PTPRK: variants seen among roughly 807,000 people sequenced by gnomAD.
PTPRK encodes the protein protein tyrosine phosphatase receptor type K, also known as receptor-type tyrosine-protein phosphatase kappa.
A neutral mutation model predicts 178.0 loss-of-function variants in PTPRK; 75 were observed. That is an observed-to-expected ratio of 0.42 (90% CI 0.35 to 0.51). The LOEUF (loss-of-function observed/expected upper bound fraction) is 0.51, where lower values mean the gene tolerates loss of function less well. Among genes scored for constraint, PTPRK ranks in the 20% least tolerant of loss-of-function variants. The pLI is 0.02. For synonymous variants in PTPRK, 637 were observed against 620.6 expected (o/e 1.03, Z -0.39); for missense variants, 1,441 against 1,797.8 (o/e 0.80, Z 3.59).
At chr6:128,292,270 C>A (rs768423850) in intron 3 of PTPRK, among the ~76,000 whole-genome samples, 1 of 151,980 alleles carries the variant, frequency 6.6e-6, no homozygotes, top group Non-Finnish European at 1.5e-5. Context: ...TGATTGTATT[C>A]CACATATTTC....
intron 7 of PTPRK, among the ~76,000 whole-genome samples, chr6:128,110,124 A>C (rs1195348609): frequency 6.6e-6 from 1 of 152,058 alleles, no homozygotes; most frequent in Non-Finnish European, 1.5e-5. Context: ...GGGTCTCACT[A>C]TCTTGTCCAG....
chr6:128,191,767 G>A lies in PTPRK; in HGVS notation c.869-7042C>T, dbSNP rs184318979. Among the ~76,000 whole-genome samples, 9 of 152,016 alleles carry A rather than the reference G, an allele frequency of 5.9e-5. No individual in the cohort carries two copies. The East Asian group carries it at 1.7e-3, about 29-fold the overall frequency. Reference sequence around the variant, plus strand: ...TCCAAAACAATAATAGGTTCCTCTAGAACAGCTCAACAATGTAGAAAATAA... The same window carrying A: ...TCCAAAACAATAATAGGTTCCTCTAAAACAGCTCAACAATGTAGAAAATAA... On this transcript the variant is annotated intron_variant, in intron 6 of 29. Coordinates refer to ENST00000368226, the MANE Select transcript of PTPRK (RefSeq NM_002844.4).
chr6:128,130,693 T>A (rs1794090528), intron 7 of PTPRK, among the ~76,000 whole-genome samples: 1 of 152,204 alleles, frequency 6.6e-6, no homozygotes, highest in Admixed American at 6.5e-5. Context: ...TTTTGAAAAT[T>A]CATTTGGCAA....
intron 7 of PTPRK, among the ~76,000 whole-genome samples, chr6:128,121,246 A>G (rs763913918): frequency 1.3e-5 from 2 of 152,052 alleles, no homozygotes; most frequent in African/African-American, 2.4e-5. Flanking sequence ...ACTCCAATGT[A>G]GAACAGAAGG....
chr6:128,428,361 T>A (rs1004101100), intron 1 of PTPRK, among the ~76,000 whole-genome samples: 3 of 152,224 alleles, frequency 2.0e-5, no homozygotes, highest in Non-Finnish European at 4.4e-5. Flanking sequence ...AGTAGACTAC[T>A]AAGGTCTAAA....
chr6:128,078,512 C>T (rs9375548), intron 11 of PTPRK, among the ~76,000 whole-genome samples: 14,043 of 151,850 alleles, frequency 0.092, 968 homozygotes, highest in East Asian at 0.42. Context: ...TTCAATTACC[C>T]ACCATCAAAC....
intron 23 of PTPRK, 88 bp from the exon 24 acceptor site, chr6:127,983,068 T>C (rs1288442493): frequency 2.9e-6 from 4 of 1,392,654 alleles, no homozygotes; most frequent in Non-Finnish European, 3.9e-6. Flanking sequence ...AAATTTTCTC[T>C]ATATGGAAAT....
chr6:128,073,201 T>C (rs574505953), intron 11 of PTPRK, among the ~76,000 whole-genome samples: 1 of 152,186 alleles, frequency 6.6e-6, no homozygotes, highest in East Asian at 1.9e-4. Context: ...ATTTATTGAG[T>C]ATCTGTTACA....
intron 1 of PTPRK, among the ~76,000 whole-genome samples, chr6:128,398,930 T>G (rs182850194): frequency 6.6e-6 from 1 of 152,216 alleles, no homozygotes; most frequent in African/African-American, 2.4e-5. Context: ...TTAGGCGATG[T>G]GTACAGGCAC....
At chr6:128,388,811 G>T (rs1160746864) in intron 2 of PTPRK, among the ~76,000 whole-genome samples, 1 of 152,162 alleles carries the variant, frequency 6.6e-6, no homozygotes, top group Non-Finnish European at 1.5e-5. Context: ...TCAGACAGAA[G>T]GAGTCAGAGA....
chr6:128,088,162 G>A (rs950792268), intron 8 of PTPRK, among the ~76,000 whole-genome samples: 5 of 152,100 alleles, frequency 3.3e-5, no homozygotes, highest in African/African-American at 1.2e-4. Flanking sequence ...TGGATCACTC[G>A]ATGTCAGGAG....
chr6:128,314,056 G>C (rs1329893073), intron 3 of PTPRK, among the ~76,000 whole-genome samples: 1 of 151,904 alleles, frequency 6.6e-6, no homozygotes, highest in African/African-American at 2.4e-5. Context: ...CCATATTTAG[G>C]TCCTTGGTTT....
chr6:127,971,313 C>T (rs1487526275), intron 29 of PTPRK, among the ~76,000 whole-genome samples: 1 of 152,094 alleles, frequency 6.6e-6, no homozygotes, highest in Non-Finnish European at 1.5e-5. Flanking sequence ...GGGTAAAATT[C>T]AGGCTGGAGA....
intron 7 of PTPRK, among the ~76,000 whole-genome samples, chr6:128,094,704 T>G (rs1019174115): frequency 6.6e-6 from 1 of 152,154 alleles, no homozygotes; most frequent in Non-Finnish European, 1.5e-5. Context: ...TGAACTGATT[T>G]CTGTGTTTTA....
At chr6:128,022,134 T>G (rs1250164905) in intron 13 of PTPRK, among the ~76,000 whole-genome samples, 9 of 152,336 alleles carry the variant, frequency 5.9e-5, no homozygotes, top group African/African-American at 1.7e-4. Context: ...TTTTACAATG[T>G]AAATGCAAAT....
intron 8 of PTPRK, 108 bp downstream of exon 8, chr6:128,089,582 G>T: frequency 8.5e-7 from 1 of 1,178,774 alleles, no homozygotes; most frequent in Non-Finnish European, 1.2e-6. Flanking sequence ...ACATTTAGAT[G>T]ATTTCAGAAT....
intron 14 of PTPRK, among the ~76,000 whole-genome samples, chr6:128,005,499 C>G (rs1778311915): frequency 6.6e-6 from 1 of 151,052 alleles, no homozygotes; most frequent in African/African-American, 2.4e-5. Context: ...ATTTCCTGTT[C>G]TCTTAAATAT....
At chr6:127,970,455 T>A (rs566809030) in intron 29 of PTPRK, among the ~76,000 whole-genome samples, 175 bp from the exon 30 acceptor site, 1 of 152,166 alleles carries the variant, frequency 6.6e-6, no homozygotes, top group Admixed American at 6.5e-5. Context: ...AGTCTAATGA[T>A]CCATTTAAGA....
chr6:128,402,782 A>T (rs1301116523), intron 1 of PTPRK, among the ~76,000 whole-genome samples: 1 of 152,206 alleles, frequency 6.6e-6, no homozygotes, highest in Non-Finnish European at 1.5e-5. Context: ...CCAAGTAGAT[A>T]CAAGTAACAA....
Sources: gnomAD v4.1 joint callset for allele counts (sites outside exome capture counted in the v4.1 genomes callset) on GRCh38, gnomAD v4.1.1 for gene constraint, MANE v1.5 for transcripts, NCBI Gene and HGNC (gene_info 2026-07-23, HGNC 2026-07-21) for gene names.